MRPL32: variants seen among roughly 807,000 people sequenced by gnomAD.
The protein encoded by MRPL32 is mitochondrial ribosomal protein L32.
A neutral mutation model predicts 21.7 loss-of-function variants in MRPL32; 14 were observed. The ratio of observed to expected loss-of-function variants is 0.64; its 90% CI spans 0.43 to 1.01. The LOEUF is 1.01. MRPL32 is among the 50% of genes least tolerant of loss of function. MRPL32 has a pLI of 0.00. For synonymous variants in MRPL32, 83 were observed against 87.7 expected (o/e 0.95, Z 0.30); for missense variants, 211 against 235.9 (o/e 0.89, Z 0.69).
At position 42,937,321 on chromosome 7, in the gene MRPL32, GAAC is replaced by G. The variant is rs1218074492; in HGVS notation, c.317_319del (p.Asn106del). On this transcript the variant is annotated inframe_deletion and splice_region_variant, in exon 3 of 3. Coordinates refer to ENST00000223324, the MANE Select transcript of MRPL32 (RefSeq NM_031903.3). ...ATACGTTTTTGTTTATTGTTTTAAA[GAAC>G]AACATAGACGTTTGTCCTGAATGTG... 1.9e-6 allele frequency: 3 copies of G among 1,613,754 alleles called. No individual in the cohort carries two copies. The highest frequency in any genetic ancestry group is 2.5e-6 in the Non-Finnish European group (3 of 1,179,886).
intron 1 of MRPL32, among the ~76,000 whole-genome samples, chr7:42,933,297 T>C (rs182591169): frequency 1.3e-5 from 2 of 152,290 alleles, no homozygotes; most frequent in African/African-American, 2.4e-5. Flanking sequence ...TACAGCCTTA[T>C]GCTGCTAGAA....
In MRPL32 at chr7:42,937,705, G is replaced by A. The variant is rs1254228638; in HGVS notation, c.*129G>A. The A allele has an allele frequency of 2.9e-6, 3 of 1,021,578 alleles. No individual in the cohort carries two copies. The highest frequency in any genetic ancestry group is 4.2e-5 in the South Asian group (2 of 47,960). The allele number at this position is 1,021,578 out of a possible 1,614,324, so 63.3% of individuals were successfully genotyped here. ...TAACACATTCTTTCTAAGCAGTTTT[G>A]TGTGGGATAATTTGAAGAATATATT... On this transcript the variant is annotated 3_prime_UTR_variant, in exon 3 of 3. Transcript: ENST00000223324.
At chr7:42,933,545 C>T (rs187242036) in intron 1 of MRPL32, among the ~76,000 whole-genome samples, 1 of 146,592 alleles carries the variant, frequency 6.8e-6, no homozygotes, top group East Asian at 2.0e-4. Flanking sequence ...TACATGTTTT[C>T]TGTGGTGTTT....
intron 1 of MRPL32, among the ~76,000 whole-genome samples, 176 bp from the exon 2 acceptor site, chr7:42,934,779 C>G (rs1786398334): frequency 6.6e-6 from 1 of 152,106 alleles, no homozygotes; most frequent in Non-Finnish European, 1.5e-5. Flanking sequence ...ATTGTATAAG[C>G]TTTAGTGTAT....
Position 42,932,410 on chromosome 7 carries a change from G to T in MRPL32, c.24G>T (p.Leu8Phe). Reference protein sequence around the residue: MALAMLVLVVSPWSAARG... With the variant: MALAMLVFVVSPWSAARG... ...AAATGGCGCTGGCCATGCTGGTCTT[G>T]GTGGTTTCGCCGTGGTCTGCGGCCC... Residue 8 changes from leucine (L) to phenylalanine (F), a missense_variant, in exon 1 of 3, where the codon TTG (leucine) becomes TTT (phenylalanine). This residue lies in a region of MRPL32 where 81 missense variants were observed against 55.8 expected (regional missense o/e 1.45). Transcript: ENST00000223324. 6.2e-7 allele frequency: 1 copy of T among 1,611,778 alleles called. No homozygotes were observed. The highest frequency in any genetic ancestry group is 2.2e-5 in the East Asian group (1 of 44,830).
chr7:42,934,317 G>T (rs1786389281), intron 1 of MRPL32, among the ~76,000 whole-genome samples: 1 of 151,378 alleles, frequency 6.6e-6, no homozygotes, highest in Non-Finnish European at 1.5e-5. Context: ...CAAGGAAAGG[G>T]TAAAGGAATG....
At chr7:42,936,418 T>A (rs1434898545) in intron 2 of MRPL32, 1 of 152,176 alleles carries the variant, frequency 6.6e-6, no homozygotes, top group Non-Finnish European at 1.5e-5. Flanking sequence ...CAGTTTCCAG[T>A]AGTGGAGCAA....
chr7:42,935,142 G>A lies in MRPL32; in HGVS notation c.312+6G>A. The A allele has an allele frequency of 3.7e-6, 6 of 1,605,648 alleles. No individual in the cohort carries two copies. Among genetic ancestry groups the A allele is most frequent in the Non-Finnish European group, 1.7e-6 (2 of 1,176,394 alleles). On this transcript the variant is annotated splice_donor_region_variant and intron_variant, in intron 2 of 2. Transcript: ENST00000223324. ...AGAAGCTTATTAAAGTTAAGGTAAT[G>A]CATTGATTTTTGTGGGTGTGCTTTT...
chr7:42,933,271 C>T (rs913068551), intron 1 of MRPL32, among the ~76,000 whole-genome samples: 2 of 151,900 alleles, frequency 1.3e-5, no homozygotes, highest in Non-Finnish European at 2.9e-5. Flanking sequence ...AAGGGGGGGC[C>T]GAGGTCATCC....
chr7:42,934,143 C>T (rs1479188662), intron 1 of MRPL32, among the ~76,000 whole-genome samples: 8 of 151,880 alleles, frequency 5.3e-5, no homozygotes, highest in Non-Finnish European at 1.2e-4. Flanking sequence ...TGGTGCACAC[C>T]TGTAATCCCA....
At chr7:42,932,786 C>T (rs1395011479) in intron 1 of MRPL32, among the ~76,000 whole-genome samples, 1 of 127,564 alleles carries the variant, frequency 7.8e-6, no homozygotes, top group Non-Finnish European at 1.8e-5. Flanking sequence ...AAATCATAGC[C>T]AGCCAGTAAG....
chr7:42,937,210 A>AT, intron 2 of MRPL32, 112 bp from the exon 3 acceptor site: 1 of 1,595,532 alleles, frequency 6.3e-7, no homozygotes, highest in Non-Finnish European at 8.5e-7. Context: ...TGATGACCTC[A>AT]TGTAGCCTGA....
intron 1 of MRPL32, among the ~76,000 whole-genome samples, chr7:42,933,612 G>A (rs373675484): frequency 9.9e-4 from 151 of 151,814 alleles, no homozygotes; most frequent in African/African-American, 3.5e-3. Context: ...AATTTTAATT[G>A]GAAGTATCTT....
Position 42,937,403 on chromosome 7 carries a change from A to C in MRPL32, c.394A>C (p.Lys132Gln). ...TGCCTACTGCTATGAAAAGGTGTGC[A>C]AGGAGACTGCAGAAATCAGACGACA... ...LCAYCYEKVC[K>Q]ETAEIRRQIG... The change falls in exon 3 of 3, where the codon AAG (lysine) becomes CAG (glutamine). Residue 132 changes from lysine (K) to glutamine (Q), a missense_variant. Transcript: ENST00000223324. The C allele has an allele frequency of 6.2e-7, 1 of 1,614,240 alleles. No individual in the cohort carries two copies. The highest frequency in any genetic ancestry group is 2.2e-5 in the East Asian group (1 of 44,892).
chr7:42,934,784 G>A (rs1389249791), intron 1 of MRPL32, among the ~76,000 whole-genome samples, 171 bp from the exon 2 acceptor site: 3 of 152,172 alleles, frequency 2.0e-5, no homozygotes, highest in African/African-American at 7.2e-5. Flanking sequence ...ATAAGCTTTA[G>A]TGTATTTTAA....
intron 2 of MRPL32, chr7:42,935,537 C>A (rs1281475434): frequency 6.4e-6 from 1 of 155,186 alleles, no homozygotes; most frequent in African/African-American, 2.4e-5. Context: ...TTTTACAAGC[C>A]CTTACATATT....
At chr7:42,937,124 A>T in intron 2 of MRPL32, 198 bp from the exon 3 acceptor site, 1 of 1,366,466 alleles carries the variant, frequency 7.3e-7, no homozygotes, top group Non-Finnish European at 1.0e-6. Context: ...TTCTAGTTCT[A>T]GTTTTTCTCT....
chr7:42,937,641 T>C lies in MRPL32; in HGVS notation c.*65T>C. On this transcript the variant is annotated 3_prime_UTR_variant, in exon 3 of 3. Transcript: ENST00000223324. The stretch of plus-strand genomic sequence containing the variant: ...TTCTCCTGAAATAGAGGAAGATTCT[T>C]TATGTTGTTGTGCTTGTTTTTAAAT... 2 of 1,474,648 alleles carry C rather than the reference T, an allele frequency of 1.4e-6. No homozygotes were observed. Among genetic ancestry groups the C allele is most frequent in the Admixed American group, 4.2e-5 (2 of 47,754 alleles). The allele number at this position is 1,474,648 out of a possible 1,614,324, so 91.3% of individuals were successfully genotyped here.
At chr7:42,935,847 C>T (rs1219844280) in intron 2 of MRPL32, 1 of 152,152 alleles carries the variant, frequency 6.6e-6, no homozygotes, top group African/African-American at 2.4e-5. Context: ...TATCCTCAGA[C>T]AATTTCAGAT....
Sources: allele counts gnomAD v4.1 joint callset (sites outside exome capture counted in the v4.1 genomes callset), GRCh38; gene constraint gnomAD v4.1.1; regional missense constraint gnomAD v4.1.1; transcripts MANE v1.5; gene names NCBI Gene and HGNC (gene_info 2026-07-23, HGNC 2026-07-21).